Variants in TENM2 observed in about 807,000 individuals in gnomAD.
TENM2 encodes teneurin transmembrane protein 2, also known as teneurin-2.
TENM2 carries 52 observed loss-of-function variants against 245.2 expected under a neutral mutation model. That is an observed-to-expected ratio of 0.21 (90% CI 0.17 to 0.27). TENM2 has a LOEUF of 0.27. TENM2 is among the 10% of genes least tolerant of loss of function. TENM2 has a pLI of 1.00. For missense variants in TENM2, 3,046 were observed against 3,666.8 expected (o/e 0.83, Z 4.37); for synonymous variants, 1,363 against 1,438.9 (o/e 0.95, Z 1.19).
chr5:167,217,135 C>G, the TENM2 span, among the ~76,000 whole-genome samples: 1 of 152,130 alleles, frequency 6.6e-6, no homozygotes, highest in Admixed American at 6.6e-5. Flanking sequence ...GTGGTAAAGT[C>G]TTTGTCATGG....
the TENM2 span, among the ~76,000 whole-genome samples, chr5:166,983,875 C>G: frequency 6.6e-6 from 1 of 152,086 alleles, no homozygotes; most frequent in Non-Finnish European, 1.5e-5. Context: ...TCTTCCATCT[C>G]TAATTTAGTT....
intron 6 of TENM2, among the ~76,000 whole-genome samples, chr5:168,059,090 C>T (rs976915303): frequency 6.6e-6 from 1 of 152,096 alleles, no homozygotes; most frequent in Non-Finnish European, 1.5e-5. Flanking sequence ...GATCTAAAAC[C>T]CTAAGGGGCA....
intron 3 of TENM2, among the ~76,000 whole-genome samples, chr5:167,881,584 G>T (rs1773881706): frequency 6.6e-6 from 1 of 152,164 alleles, no homozygotes; most frequent in Admixed American, 6.5e-5. Flanking sequence ...AGTTGGATTT[G>T]TACCGCACAT....
At chr5:167,490,604 A>G (rs1271844596) in intron 2 of TENM2, among the ~76,000 whole-genome samples, 1 of 152,138 alleles carries the variant, frequency 6.6e-6, no homozygotes, top group East Asian at 1.9e-4. Context: ...ATTTATACCC[A>G]CATGTCTTAA....
chr5:168,240,055 T>TA (rs574782911), intron 25 of TENM2, among the ~76,000 whole-genome samples: 3 of 152,008 alleles, frequency 2.0e-5, no homozygotes, highest in South Asian at 2.1e-4. Context: ...CCGTCTCTAC[T>TA]AAAAAAATGT....
intron 2 of TENM2, among the ~76,000 whole-genome samples, chr5:167,583,430 G>A (rs1775234305): frequency 6.6e-6 from 1 of 150,738 alleles, no homozygotes; most frequent in South Asian, 2.1e-4. Context: ...AATAGGAGGT[G>A]ATAGGGGCCT....
At chr5:167,246,910 C>T in the TENM2 span, among the ~76,000 whole-genome samples, 25 of 152,078 alleles carry the variant, frequency 1.6e-4, no homozygotes, top group East Asian at 3.9e-4. Context: ...TCCACTTACC[C>T]GTCTATTCAT....
the TENM2 span, among the ~76,000 whole-genome samples, chr5:167,116,049 A>G: frequency 1.3e-5 from 2 of 152,372 alleles, no homozygotes; most frequent in African/African-American, 4.8e-5. Context: ...AAGCTCTCTG[A>G]GAATGTTTAT....
At chr5:167,222,894 C>T in the TENM2 span, among the ~76,000 whole-genome samples, 1 of 152,050 alleles carries the variant, frequency 6.6e-6, no homozygotes, top group Non-Finnish European at 1.5e-5. Flanking sequence ...AAAATATAGC[C>T]ATTTGATGTC....
At chr5:167,292,326 A>C (rs960553149) in intron 1 of TENM2, among the ~76,000 whole-genome samples, 1 of 152,164 alleles carries the variant, frequency 6.6e-6, no homozygotes, top group African/African-American at 2.4e-5. Context: ...TCCGTTTTTC[A>C]TTTCTCAGCT....
At chr5:168,125,577 C>T (rs1795789044) in intron 11 of TENM2, among the ~76,000 whole-genome samples, 1 of 152,088 alleles carries the variant, frequency 6.6e-6, no homozygotes, top group African/African-American at 2.4e-5. Context: ...CCAGTCCCAA[C>T]CTTCCTGAGA....
intron 17 of TENM2, among the ~76,000 whole-genome samples, chr5:168,200,432 G>A (rs941415459): frequency 3.3e-5 from 5 of 152,230 alleles, no homozygotes; most frequent in East Asian, 1.9e-4. Context: ...AGGCTCCTCT[G>A]CAGGGCAGCA....
chr5:167,832,295 A>G (rs1441910844), intron 2 of TENM2, among the ~76,000 whole-genome samples: 1 of 152,218 alleles, frequency 6.6e-6, no homozygotes, highest in African/African-American at 2.4e-5. Flanking sequence ...CTGCTGCCCA[A>G]TGATGAATTA....
intron 2 of TENM2, among the ~76,000 whole-genome samples, chr5:167,380,693 A>G (rs1317107552): frequency 6.6e-6 from 1 of 152,126 alleles, no homozygotes; most frequent in East Asian, 1.9e-4. Context: ...TGTAATCTCC[A>G]GGCCTTCAGG....
chr5:167,976,020 A>G (rs1262824619), intron 4 of TENM2, among the ~76,000 whole-genome samples: 1 of 152,214 alleles, frequency 6.6e-6, no homozygotes, highest in African/African-American at 2.4e-5. Context: ...CAGTAGCTAT[A>G]CAAGAATTCG....
the TENM2 span, among the ~76,000 whole-genome samples, chr5:167,111,265 T>C: frequency 1.3e-5 from 2 of 152,170 alleles, no homozygotes; most frequent in African/African-American, 2.4e-5. Context: ...GATCAAAATA[T>C]TACAATTGGA....
intron 1 of TENM2, among the ~76,000 whole-genome samples, chr5:167,347,675 AT>A (rs969397324): frequency 1.3e-5 from 2 of 150,834 alleles, no homozygotes; most frequent in Non-Finnish European, 3.0e-5. Flanking sequence ...TTCCTACTTT[AT>A]TTTTTTATCC....
intron 12 of TENM2, among the ~76,000 whole-genome samples, chr5:168,148,029 C>T (rs763568305): frequency 5.3e-5 from 8 of 152,118 alleles, no homozygotes; most frequent in East Asian, 1.9e-4. Flanking sequence ...CGAGGATTAT[C>T]GATTTTTGTA....
intron 2 of TENM2, among the ~76,000 whole-genome samples, chr5:167,448,491 T>G (rs907890755): frequency 1.3e-5 from 2 of 149,666 alleles, no homozygotes; most frequent in African/African-American, 4.9e-5. Context: ...TTTGGATCGG[T>G]TTTTGAAAAA....
Sources: gnomAD v4.1 joint callset for allele counts (sites outside exome capture counted in the v4.1 genomes callset) on GRCh38, gnomAD v4.1.1 for gene constraint, MANE v1.5 for transcripts, NCBI Gene and HGNC (gene_info 2026-07-23, HGNC 2026-07-21) for gene names.